Variants in MLLT10 observed in about 807,000 individuals in gnomAD.
The protein encoded by MLLT10 is protein AF-10.
A neutral mutation model predicts 129.1 loss-of-function variants in MLLT10; 30 were observed. That is an observed-to-expected ratio of 0.23 (90% CI 0.17 to 0.32). The LOEUF is 0.32. Ranked by LOEUF, MLLT10 falls within the 10% of genes least tolerant of loss-of-function variation. MLLT10 has a pLI of 1.00. For missense variants in MLLT10, 1,119 were observed against 1,268.3 expected (o/e 0.88, Z 1.79); for synonymous variants, 490 against 446.4 (o/e 1.10, Z -1.23).
At chr10:21,556,548 T>C in intron 3 of MLLT10, 1 of 892,306 alleles carries the variant, frequency 1.1e-6, no homozygotes, top group Non-Finnish European at 1.7e-6. Flanking sequence ...ATTTACCCTC[T>C]CTAGGAAATT....
intron 11 of MLLT10, among the ~76,000 whole-genome samples, chr10:21,681,029 T>C (rs1434588661): frequency 6.6e-6 from 1 of 152,198 alleles, no homozygotes; most frequent in East Asian, 1.9e-4. Context: ...TAATGAAGCC[T>C]TTTATTCTCA....
intron 9 of MLLT10, among the ~76,000 whole-genome samples, chr10:21,668,503 T>C (rs1274548957): frequency 6.6e-6 from 1 of 152,140 alleles, no homozygotes; most frequent in Non-Finnish European, 1.5e-5. Context: ...AATTTAAAAA[T>C]TGTTAACATC....
At chr10:21,618,377 T>G (rs1180628966) in intron 8 of MLLT10, among the ~76,000 whole-genome samples, 2 of 151,546 alleles carry the variant, frequency 1.3e-5, no homozygotes, top group Non-Finnish European at 1.5e-5. Flanking sequence ...GTGGTGGTTG[T>G]TTGTAATCCC....
chr10:21,692,150 G>T (rs891547201), intron 13 of MLLT10, among the ~76,000 whole-genome samples: 30 of 151,762 alleles, frequency 2.0e-4, no homozygotes, highest in Non-Finnish European at 8.8e-5. Context: ...CTCCAGCCTG[G>T]GTGACAGATG....
intron 13 of MLLT10, among the ~76,000 whole-genome samples, chr10:21,709,104 A>T (rs2055824803): frequency 6.6e-6 from 1 of 152,184 alleles, no homozygotes; most frequent in Non-Finnish European, 1.5e-5. Flanking sequence ...TCTAAGTCAA[A>T]AGCCTCTGCT....
chr10:21,563,851 C>T (rs948150220), intron 3 of MLLT10, among the ~76,000 whole-genome samples: 4 of 150,432 alleles, frequency 2.7e-5, no homozygotes, highest in Non-Finnish European at 5.9e-5. Context: ...CTTGCTTTGT[C>T]GCCCAGGCTG....
chr10:21,608,174 CTT>C (rs780185081), intron 5 of MLLT10, among the ~76,000 whole-genome samples: 5 of 139,840 alleles, frequency 3.6e-5, no homozygotes, highest in African/African-American at 5.2e-5. Context: ...TTATTTTTGG[CTT>C]TTTTTTTTTT....
At chr10:21,635,099 A>G (rs1377795862) in intron 8 of MLLT10, among the ~76,000 whole-genome samples, 1 of 152,098 alleles carries the variant, frequency 6.6e-6, no homozygotes, top group Admixed American at 6.5e-5. Flanking sequence ...CTTACTGTGT[A>G]CCCCATGCGC....
intron 12 of MLLT10, among the ~76,000 whole-genome samples, chr10:21,681,900 C>A (rs970461485): frequency 1.3e-5 from 2 of 152,094 alleles, no homozygotes; most frequent in African/African-American, 4.8e-5. Flanking sequence ...CAGTGACTCA[C>A]TTTTAGCAAG....
At chr10:21,722,993 C>G (rs1193631683) in intron 14 of MLLT10, among the ~76,000 whole-genome samples, 1 of 152,132 alleles carries the variant, frequency 6.6e-6, no homozygotes, top group Admixed American at 6.5e-5. Context: ...TTGAAAGTCT[C>G]TTGTTTAGAT....
intron 13 of MLLT10, among the ~76,000 whole-genome samples, chr10:21,702,501 C>G (rs1023528981): frequency 2.0e-5 from 3 of 152,162 alleles, no homozygotes; most frequent in African/African-American, 7.2e-5. Flanking sequence ...TGCCAGTGAT[C>G]TATCTAATGT....
chr10:21,653,617 T>TC (rs1449258866), intron 9 of MLLT10, among the ~76,000 whole-genome samples: 2 of 152,190 alleles, frequency 1.3e-5, no homozygotes, highest in Non-Finnish European at 2.9e-5. Flanking sequence ...TTTAATTACA[T>TC]CTGCAAAGCC....
chr10:21,640,697 G>A (rs2047919869), intron 8 of MLLT10, among the ~76,000 whole-genome samples: 2 of 152,120 alleles, frequency 1.3e-5, no homozygotes, highest in African/African-American at 4.8e-5. Context: ...TTCACTATAT[G>A]AGCAACCTTG....
intron 8 of MLLT10, among the ~76,000 whole-genome samples, chr10:21,643,361 A>T (rs373039918): frequency 1.3e-5 from 2 of 151,978 alleles, no homozygotes; most frequent in Non-Finnish European, 2.9e-5. Flanking sequence ...AGACATTTCT[A>T]TTTTTTCAGG....
chr10:21,726,229 A>AT lies in MLLT10; in HGVS notation c.1879-9dup, dbSNP rs778564374. On this transcript the variant is annotated splice_polypyrimidine_tract_variant and intron_variant, in intron 14 of 22. Coordinates refer to ENST00000307729, the MANE Select transcript of MLLT10 (RefSeq NM_001195626.3). ...CACATATAATTCATTTATCATTGTA[A>AT]TTTTTTCCATTTAGGCAAATACTCT... 2.7e-6 allele frequency: 4 copies of AT among 1,493,898 alleles called. No homozygotes were observed. Among genetic ancestry groups the AT allele is most frequent in the Non-Finnish European group, 9.2e-7 (1 of 1,081,346 alleles). 92.5% of individuals were successfully genotyped at this position (1,493,898 alleles called of 1,614,324 possible).
In MLLT10 at chr10:21,713,906, C is replaced by G; in HGVS notation, c.1834C>G (p.Pro612Ala). ...GHLQQVGALS[P>A]SAVSSAAPAV... ...TTTGCAACAAGTAGGAGCGCTCTCT[C>G]CCTCAGCTGTGTCATCTGCAGCCCC... Residue 612 changes from proline (P) to alanine (A), a missense_variant, in exon 14 of 23, where the codon CCC (proline) becomes GCC (alanine). By Grantham distance (27) the Pro-to-Ala change is conservative (BLOSUM62 -1). Coordinates refer to ENST00000307729, the MANE Select transcript of MLLT10 (RefSeq NM_001195626.3). 1 of 1,613,896 alleles carries G rather than the reference C, an allele frequency of 6.2e-7. No homozygotes were observed. The highest frequency in any genetic ancestry group is 8.5e-7 in the Non-Finnish European group (1 of 1,179,912).
At chr10:21,553,114 G>T (rs980894977) in intron 3 of MLLT10, among the ~76,000 whole-genome samples, 6 of 152,050 alleles carry the variant, frequency 3.9e-5, no homozygotes, top group Non-Finnish European at 5.9e-5. Context: ...ATTTAAGAAG[G>T]CACATCTTCT....
chr10:21,537,526 G>A (rs557238285), intron 2 of MLLT10, among the ~76,000 whole-genome samples: 9 of 152,138 alleles, frequency 5.9e-5, no homozygotes, highest in South Asian at 2.1e-4. Context: ...GTGCAGTGGC[G>A]TGATCTCGGC....
chr10:21,583,460 AG>A (rs1179637907), intron 3 of MLLT10, among the ~76,000 whole-genome samples: 1 of 152,168 alleles, frequency 6.6e-6, no homozygotes, highest in African/African-American at 2.4e-5. Flanking sequence ...AAAGGCAAGA[AG>A]TATAGTGGTA....
Sources: allele counts gnomAD v4.1 joint callset (sites outside exome capture counted in the v4.1 genomes callset), GRCh38; gene constraint gnomAD v4.1.1; transcripts MANE v1.5; gene names NCBI Gene and HGNC (gene_info 2026-07-23, HGNC 2026-07-21).